C16orf89: variants seen among roughly 807,000 people sequenced by gnomAD.
The protein encoded by C16orf89 is chromosome 16 open reading frame 89.
Under a neutral mutation model 41.5 loss-of-function variants are expected in C16orf89, and 57 were observed. The observed-to-expected ratio is 1.38, with a 90% confidence interval of 1.11 to 1.71. The LOEUF is 1.71. Ranked by LOEUF, C16orf89 falls within the 40% of genes most tolerant of loss-of-function variation. C16orf89 has a pLI of 0.00. For synonymous variants in C16orf89, 223 were observed against 190.6 expected, an observed-to-expected ratio of 1.17 and a Z score of -1.40; for missense variants, 575 against 445.9, an observed-to-expected ratio of 1.29 and a Z score of -2.61.
chr16:5,053,672 T>A (rs1428005750), intron 6 of C16orf89, among the ~76,000 whole-genome samples: 3 of 151,948 alleles, frequency 2.0e-5, no homozygotes, highest in Non-Finnish European at 4.4e-5. Context: ...TTCTCCCAAG[T>A]AGCCGGGACC....
downstream of C16orf89, chr16:5,043,711 C>T (rs1362352253): frequency 6.6e-6 from 1 of 152,138 alleles, no homozygotes; most frequent in Non-Finnish European, 1.5e-5. Flanking sequence ...TTTAAGATAT[C>T]AGTTTATGGG....
intron 2 of C16orf89, among the ~76,000 whole-genome samples, chr16:5,060,648 C>G (rs1451865806): frequency 6.6e-6 from 1 of 152,118 alleles, no homozygotes; most frequent in Non-Finnish European, 1.5e-5. Context: ...TCAATAGGAA[C>G]AGTGATGGGA....
At chr16:5,058,459 C>A (rs776924732) in intron 4 of C16orf89, 34 bp downstream of exon 4, 77 of 1,539,980 alleles carry the variant, frequency 5.0e-5, no homozygotes, top group Non-Finnish European at 6.2e-6. Context: ...CCTTCCCCTT[C>A]CCCTGGCACG....
At chr16:5,061,269 A>AT (rs1441891602) in intron 2 of C16orf89, among the ~76,000 whole-genome samples, 1 of 145,302 alleles carries the variant, frequency 6.9e-6, no homozygotes, top group African/African-American at 2.5e-5. Flanking sequence ...CTCAAGAAAA[A>AT]AAAAAAAAAA....
At chr16:5,053,847 C>G (rs1956440954) in intron 6 of C16orf89, among the ~76,000 whole-genome samples, 1 of 152,158 alleles carries the variant, frequency 6.6e-6, no homozygotes, top group Non-Finnish European at 1.5e-5. Context: ...TGTGTATTTT[C>G]AAATAGCTAG....
chr16:5,061,387 C>T (rs1428033521), intron 2 of C16orf89, among the ~76,000 whole-genome samples: 3 of 133,248 alleles, frequency 2.3e-5, no homozygotes, highest in African/African-American at 8.5e-5. Context: ...GAGCTGAGAT[C>T]GCACCACTGC....
At chr16:5,045,137 G>T (rs560928315) in intron 7 of C16orf89, among the ~76,000 whole-genome samples, 32 of 152,320 alleles carry the variant, frequency 2.1e-4, no homozygotes, top group Non-Finnish European at 3.4e-4. Flanking sequence ...TCCAGCTCCT[G>T]CCTGGCTTAG....
chr16:5,051,558 C>G (rs897381349), intron 6 of C16orf89, among the ~76,000 whole-genome samples: 2 of 151,816 alleles, frequency 1.3e-5, no homozygotes, highest in Non-Finnish European at 2.9e-5. Context: ...AGAGAACACA[C>G]AAAAAATGAA....
At chr16:5,062,707 G>A in intron 1 of C16orf89, 133 bp from the exon 2 acceptor site, 1 of 1,038,230 alleles carries the variant, frequency 9.6e-7, no homozygotes, top group Non-Finnish European at 1.4e-6. Context: ...CACTCAGAGG[G>A]GAAGGATTTA....
Position 5,062,456 on chromosome 16 carries a change from G to A in C16orf89, c.327C>T (p.Tyr109=). The A allele has an allele frequency of 1.9e-6, 3 of 1,614,070 alleles. No homozygotes were observed. Among genetic ancestry groups the A allele is most frequent in the Non-Finnish European group, 2.5e-6 (3 of 1,179,986 alleles). ...LEAAIQRSLH[Y]LKLSDPKYLR... ...GGTACTTGGGATCACTCAGCTTGAG[G>A]TAGTGGAGGGATCTCTGGATGGCAG... Residue 109 remains tyrosine (Y), a synonymous_variant, in exon 2 of 8, where the codon TAC becomes TAT. Transcript: ENST00000472572.
chr16:5,047,927 A>C lies in C16orf89; in HGVS notation c.906T>G (p.Tyr302Ter). 6.2e-7 allele frequency: 1 copy of C among 1,604,456 alleles called. No homozygotes were observed. The highest frequency in any genetic ancestry group is 8.5e-7 in the Non-Finnish European group (1 of 1,172,152). ...EDEELSKAIQ[Y>*]QQHFSRRVKR... The stretch of plus-strand genomic sequence containing the variant: ...TCACTCTCCTCGAAAAATGCTGCTG[A>C]TATTGAATAGCTTTAGATAATTCTT... The change falls in exon 7 of 8, where the codon TAT (tyrosine) becomes TAG (stop). Residue 302 changes from tyrosine to a stop codon, truncating the protein, a stop_gained. Coordinates refer to ENST00000472572, the MANE Select transcript of C16orf89 (RefSeq NM_001098514.3). LOFTEE classifies it low-confidence loss of function (END_TRUNC).
chr16:5,048,247 C>A (rs561460924), intron 6 of C16orf89, among the ~76,000 whole-genome samples: 1 of 152,140 alleles, frequency 6.6e-6, no homozygotes, highest in Non-Finnish European at 1.5e-5. Context: ...GTTGCCCAGG[C>A]TGGACTTGAA....
At chr16:5,056,785 T>C (rs1257670179) in intron 4 of C16orf89, among the ~76,000 whole-genome samples, 1 of 152,238 alleles carries the variant, frequency 6.6e-6, no homozygotes, top group Non-Finnish European at 1.5e-5. Flanking sequence ...ATGGTTTTTA[T>C]TGTATTTATA....
downstream of C16orf89, chr16:5,044,019 A>T (rs1956246266): frequency 1.4e-6 from 1 of 718,628 alleles, no homozygotes; most frequent in African/African-American, 1.9e-5. Flanking sequence ...AAAAAAGGAA[A>T]AAAGAAAAAA....
chr16:5,058,965 C>T (rs1421972049), intron 3 of C16orf89, among the ~76,000 whole-genome samples: 4 of 152,202 alleles, frequency 2.6e-5, no homozygotes, highest in East Asian at 3.9e-4. Flanking sequence ...ACCAGCCAGG[C>T]GCGGTGGCTT....
Position 5,055,238 on chromosome 16 carries a change from C to G in C16orf89, c.868+8G>C. 6.3e-7 allele frequency: 1 copy of G among 1,598,400 alleles called. No individual in the cohort carries two copies. Among genetic ancestry groups the G allele is most frequent in the Non-Finnish European group, 8.6e-7 (1 of 1,168,272 alleles). On this transcript the variant is annotated splice_region_variant and intron_variant, in intron 6 of 7. Coordinates refer to ENST00000472572, the MANE Select transcript of C16orf89 (RefSeq NM_001098514.3). ...CCCCTTCTTAGCCAGGGCAGCAGCG[C>G]AGCTCACCAGGCTCCCCGAAGCATC...
At chr16:5,047,719 C>T (rs1482918781) in intron 7 of C16orf89, among the ~76,000 whole-genome samples, 159 bp downstream of exon 7, 1 of 152,112 alleles carries the variant, frequency 6.6e-6, no homozygotes, top group Non-Finnish European at 1.5e-5. Context: ...TCAGGGACCC[C>T]CAGCCTCCCT....
chr16:5,050,015 C>G (rs1315100740), intron 6 of C16orf89, among the ~76,000 whole-genome samples: 3 of 152,116 alleles, frequency 2.0e-5, no homozygotes, highest in Non-Finnish European at 4.4e-5. Flanking sequence ...ACTTTTACAG[C>G]TGATACCACT....
At chr16:5,055,793 G>C (rs1032065596) in intron 5 of C16orf89, 3 of 1,456,432 alleles carry the variant, frequency 2.1e-6, no homozygotes, top group South Asian at 1.2e-5. Context: ...TTGAGTTTTC[G>C]ATAAACAATG....
Sources: gnomAD v4.1 joint callset for allele counts (sites outside exome capture counted in the v4.1 genomes callset) on GRCh38, gnomAD v4.1.1 for gene constraint, MANE v1.5 for transcripts, NCBI Gene and HGNC (gene_info 2026-07-23, HGNC 2026-07-21) for gene names.